Variants in CYP2C19 observed in about 807,000 individuals in gnomAD.
The protein encoded by CYP2C19 is cytochrome P450 2C19.
In CYP2C19, 59 loss-of-function variants were observed where a neutral mutation model predicts 40.9. The observed-to-expected ratio is 1.44, with a 90% CI of 1.17 to 1.79. The LOEUF (loss-of-function observed/expected upper bound fraction) is 1.79, where lower values mean the gene tolerates loss of function less well. Ranked by LOEUF, CYP2C19 falls within the 40% of genes most tolerant of loss-of-function variation. CYP2C19 has a pLI of 0.00. For missense variants in CYP2C19, 754 were observed against 596.9 expected (o/e 1.26, Z -2.74); for synonymous variants, 253 against 208.7 (o/e 1.21, Z -1.83).
intron 5 of CYP2C19, among the ~76,000 whole-genome samples, chr10:94,809,364 A>C (rs189635097): frequency 1.3e-3 from 192 of 152,036 alleles, no homozygotes; most frequent in Non-Finnish European, 2.1e-3. Flanking sequence ...GTTTTCAATT[A>C]TTTTCTTCCT....
chr10:94,839,184 T>C (rs1849451583), intron 6 of CYP2C19, among the ~76,000 whole-genome samples: 1 of 152,194 alleles, frequency 6.6e-6, no homozygotes, highest in Non-Finnish European at 1.5e-5. Context: ...CACTCACCGA[T>C]GTAGCAGTCC....
chr10:94,769,398 T>A (rs1848296329), intron 1 of CYP2C19, among the ~76,000 whole-genome samples: 1 of 152,136 alleles, frequency 6.6e-6, no homozygotes, highest in Admixed American at 6.5e-5. Context: ...GTCTGAGGGA[T>A]CCTCAAAGGC....
chr10:94,806,768 TG>T (rs1241240994), intron 5 of CYP2C19, among the ~76,000 whole-genome samples: 2 of 150,304 alleles, frequency 1.3e-5, no homozygotes, highest in African/African-American at 4.9e-5. Context: ...ATTATTTTAG[TG>T]GGCACAATAA....
At position 94,854,347 on chromosome 10, in the gene CYP2C19, G is replaced by T. The variant is rs1049543456; in HGVS notation, c.*1433G>T. Among the ~76,000 whole-genome samples the T allele has an allele frequency of 6.6e-6, 1 of 151,852 alleles. No individual in the cohort carries two copies. The highest frequency in any genetic ancestry group is 2.4e-5 in the African/African-American group (1 of 41,336). On this transcript the variant is annotated 3_prime_UTR_variant, in exon 9 of 9. Coordinates refer to ENST00000371321, the MANE Select transcript of CYP2C19 (RefSeq NM_000769.4). ...CAAAATTTCTAAGAAGAATTACCAG[G>T]GTTTAATCTTTTTCAGCTTCTCCTA...
chr10:94,803,993 T>C (rs1445758662), intron 5 of CYP2C19, among the ~76,000 whole-genome samples: 1 of 152,034 alleles, frequency 6.6e-6, no homozygotes, highest in African/African-American at 2.4e-5. Flanking sequence ...TGAGAAATGC[T>C]CTAAATGCTT....
At chr10:94,809,803 T>C (rs1466468380) in intron 5 of CYP2C19, among the ~76,000 whole-genome samples, 3 of 152,196 alleles carry the variant, frequency 2.0e-5, no homozygotes, top group South Asian at 2.1e-4. Flanking sequence ...AAAGGCCTTT[T>C]CTGCATCTAT....
intron 1 of CYP2C19, among the ~76,000 whole-genome samples, chr10:94,769,785 G>C (rs932275320): frequency 2.0e-5 from 3 of 152,060 alleles, no homozygotes; most frequent in East Asian, 3.9e-4. Flanking sequence ...GGCATTTTTT[G>C]CTCTTCCAAA....
intron 6 of CYP2C19, among the ~76,000 whole-genome samples, chr10:94,836,910 G>A (rs1412040483): frequency 2.6e-5 from 4 of 151,966 alleles, no homozygotes; most frequent in Admixed American, 6.5e-5. Flanking sequence ...CTCAAGTCTT[G>A]GGCTAATGCC....
At chr10:94,800,137 G>A (rs967230037) in intron 5 of CYP2C19, among the ~76,000 whole-genome samples, 1 of 152,152 alleles carries the variant, frequency 6.6e-6, no homozygotes, top group Admixed American at 6.6e-5. Context: ...CATCTTTGTG[G>A]TTTTATCTAC....
chr10:94,773,678 G>T (rs144414415), intron 1 of CYP2C19, among the ~76,000 whole-genome samples: 1 of 151,242 alleles, frequency 6.6e-6, no homozygotes, highest in Non-Finnish European at 1.5e-5. Flanking sequence ...GGAGTTGTTC[G>T]TTCCTCCTGG....
chr10:94,794,595 G>T (rs544798455), intron 5 of CYP2C19, among the ~76,000 whole-genome samples: 1 of 152,196 alleles, frequency 6.6e-6, no homozygotes, highest in South Asian at 2.1e-4. Flanking sequence ...GTGGTTGGTA[G>T]TTCTCCTTGA....
intron 6 of CYP2C19, among the ~76,000 whole-genome samples, chr10:94,842,545 G>A (rs960553523): frequency 1.6e-4 from 24 of 151,518 alleles, no homozygotes; most frequent in South Asian, 2.1e-4. Context: ...TTGTTTACTG[G>A]TTGTTTTGTG....
At chr10:94,844,447 G>A (rs1252915811) in intron 7 of CYP2C19, among the ~76,000 whole-genome samples, 1 of 136,354 alleles carries the variant, frequency 7.3e-6, no homozygotes. Context: ...ACCAATTTTT[G>A]TCTTGGCAGC....
intron 5 of CYP2C19, among the ~76,000 whole-genome samples, chr10:94,800,376 C>G (rs1848746738): frequency 6.6e-6 from 1 of 152,202 alleles, no homozygotes; most frequent in South Asian, 2.1e-4. Flanking sequence ...ATATTGCTGC[C>G]TGCTCCTTTC....
Position 94,842,587 on chromosome 10 carries a change from CT to C in CYP2C19, c.962-248del, listed in dbSNP as rs565659584. 3.3e-5 allele frequency among the ~76,000 whole-genome samples: 5 copies of C among 151,888 alleles called. No homozygotes were observed. In the South Asian group the frequency reaches 1.0e-3, roughly 32 times the overall value. On this transcript the variant is annotated intron_variant, in intron 6 of 8. Coordinates refer to ENST00000371321, the MANE Select transcript of CYP2C19 (RefSeq NM_000769.4). ...TCTTCCTTCTTTCATTTCTTCCTGC[CT>C]TCCTTTATTGATAATAATTTTCTCT...
chr10:94,781,140 G>T (rs1357682946), intron 4 of CYP2C19, among the ~76,000 whole-genome samples: 1 of 152,190 alleles, frequency 6.6e-6, no homozygotes, highest in East Asian at 1.9e-4. Context: ...TAGGGCAGAG[G>T]TGTTTGATGT....
chr10:94,785,817 A>G lies in CYP2C19; in HGVS notation c.819+3820A>G, dbSNP rs542897903. Among the ~76,000 whole-genome samples, 471 of 152,224 alleles carry G rather than the reference A, an allele frequency of 3.1e-3. 3 individuals are homozygous for G. Among genetic ancestry groups the G allele is most frequent in the African/African-American group, 0.011 (449 of 41,560 alleles). The stretch of plus-strand genomic sequence containing the variant: ...TGTGACTAGGCATGTTCAAAATGGC[A>G]GCTCTATCTTCCCTTCCCTTTGCCA... On this transcript the variant is annotated intron_variant, in intron 5 of 8. Coordinates refer to ENST00000371321, the MANE Select transcript of CYP2C19 (RefSeq NM_000769.4).
At chr10:94,797,459 G>A (rs1244001258) in intron 5 of CYP2C19, among the ~76,000 whole-genome samples, 1 of 151,070 alleles carries the variant, frequency 6.6e-6, no homozygotes, top group African/African-American at 2.4e-5. Flanking sequence ...TTTTTTGTGT[G>A]TGTGTCTCTC....
intron 5 of CYP2C19, among the ~76,000 whole-genome samples, chr10:94,785,227 T>C (rs1848526434): frequency 6.6e-6 from 1 of 152,118 alleles, no homozygotes; most frequent in Admixed American, 6.5e-5. Context: ...TATGAACCTA[T>C]TGCCAAATAT....
Sources: gnomAD v4.1 joint callset for allele counts (sites outside exome capture counted in the v4.1 genomes callset) on GRCh38, gnomAD v4.1.1 for gene constraint, MANE v1.5 for transcripts, NCBI Gene and HGNC (gene_info 2026-07-23, HGNC 2026-07-21) for gene names.